BLOC1S5: variants seen among roughly 807,000 people sequenced by gnomAD.
The protein encoded by BLOC1S5 is biogenesis of lysosomal organelles complex 1 subunit 5, also known as biogenesis of lysosome-related organelles complex 1 subunit 5.
BLOC1S5 carries 27 observed loss-of-function variants against 24.3 expected under a neutral mutation model. That is an observed-to-expected ratio of 1.11 (90% CI 0.82 to 1.53). The LOEUF (loss-of-function observed/expected upper bound fraction) is 1.53, where lower values mean the gene tolerates loss of function less well. Ranked by LOEUF, BLOC1S5 falls within the 40% of genes most tolerant of loss-of-function variation. The pLI, the probability that BLOC1S5 is intolerant of heterozygous loss-of-function variation, is 0.00. For synonymous variants in BLOC1S5, 84 were observed against 74.5 expected (o/e 1.13, Z -0.66); for missense variants, 239 against 229.4 (o/e 1.04, Z -0.27).
chr6:8,056,119 G>A (rs1045020966), intron 2 of BLOC1S5, among the ~76,000 whole-genome samples: 11 of 152,132 alleles, frequency 7.2e-5, no homozygotes, highest in Non-Finnish European at 1.3e-4. Context: ...CTCACCAGAC[G>A]AAGCCCCTTT....
chr6:8,056,471 G>GA lies in BLOC1S5; in HGVS notation c.195+6062dup, dbSNP rs923481331. ...TCTGTTTTTAGACATATTCAAGGGG[G>GA]AAAAAAAACAAAACATAAAACTATG... On this transcript the variant is annotated intron_variant, in intron 2 of 4. Transcript: ENST00000397457. Among the ~76,000 whole-genome samples, 727 of 151,216 alleles carry GA rather than the reference G, an allele frequency of 4.8e-3. 5 individuals carry two copies. Among genetic ancestry groups the GA allele is most frequent in the African/African-American group, 0.016 (650 of 41,270 alleles).
At chr6:8,049,166 T>G (rs1289098934) in intron 2 of BLOC1S5, among the ~76,000 whole-genome samples, 2 of 150,450 alleles carry the variant, frequency 1.3e-5, no homozygotes. Flanking sequence ...AGGTCAGGAG[T>G]TCGAGACCAG....
At chr6:8,034,568 T>C (rs1473324114) in intron 3 of BLOC1S5, among the ~76,000 whole-genome samples, 1 of 152,138 alleles carries the variant, frequency 6.6e-6, no homozygotes, top group Non-Finnish European at 1.5e-5. Context: ...GGCACATATA[T>C]ACCTATGTAT....
At chr6:8,028,505 C>A (rs987209019) in intron 3 of BLOC1S5, among the ~76,000 whole-genome samples, 2 of 152,090 alleles carry the variant, frequency 1.3e-5, no homozygotes, top group African/African-American at 2.4e-5. Context: ...AACTTAAAAT[C>A]CATTTGGCAG....
chr6:8,017,420 C>T (rs1421144374), intron 4 of BLOC1S5, among the ~76,000 whole-genome samples: 1 of 145,182 alleles, frequency 6.9e-6, no homozygotes, highest in Non-Finnish European at 1.5e-5. Context: ...ACAAAGCACC[C>T]GAAGTCACTG....
chr6:8,028,513 C>T lies in BLOC1S5; in HGVS notation c.326-2088G>A, dbSNP rs528994378. On this transcript the variant is annotated intron_variant, in intron 3 of 4. Coordinates refer to ENST00000397457, the MANE Select transcript of BLOC1S5 (RefSeq NM_201280.3). ...AGAACATAACTTAAAATCCATTTGG[C>T]AGTTGTTAGGAGCTTCATCACTTTC... is the stretch of plus-strand genomic sequence containing the variant. Among the ~76,000 whole-genome samples, 6 of 152,210 alleles carry T rather than the reference C, an allele frequency of 3.9e-5. No homozygotes were observed. In the South Asian group the frequency reaches 1.2e-3, roughly 32 times the overall value.
chr6:8,061,853 G>A (rs1764525916), intron 2 of BLOC1S5, among the ~76,000 whole-genome samples: 2 of 152,212 alleles, frequency 1.3e-5, no homozygotes, highest in Admixed American at 6.5e-5. Flanking sequence ...CACTGTCGCT[G>A]GAACATAGTA....
chr6:8,026,397 T>A lies in BLOC1S5; in HGVS notation c.354A>T (p.Arg118Ser). ...TTCGTTCCTGTTCCCTCTGTTGGAG[T>A]CTACAGACTGAGTCATTAGCTGCTT... Reference protein sequence around the residue: ...RLQAANDSVCRLQQREQERKK... With the variant: ...RLQAANDSVCSLQQREQERKK... Residue 118 changes from arginine to serine, a missense_variant, in exon 4 of 5, where the codon AGA (arginine) becomes AGT (serine). Coordinates refer to ENST00000397457, the MANE Select transcript of BLOC1S5 (RefSeq NM_201280.3). 1 of 1,613,316 alleles carries A rather than the reference T, an allele frequency of 6.2e-7. No individual in the cohort carries two copies. The highest frequency in any genetic ancestry group is 2.2e-5 in the East Asian group (1 of 44,848).
chr6:8,052,061 G>C (rs899816303), intron 2 of BLOC1S5, among the ~76,000 whole-genome samples: 5 of 150,246 alleles, frequency 3.3e-5, no homozygotes, highest in Non-Finnish European at 5.9e-5. Flanking sequence ...CCGCCTCCCG[G>C]GTTCACGCCA....
At chr6:8,052,803 G>A (rs770922942) in intron 2 of BLOC1S5, among the ~76,000 whole-genome samples, 1 of 151,848 alleles carries the variant, frequency 6.6e-6, no homozygotes, top group South Asian at 2.1e-4. Context: ...GCTGAGGGAG[G>A]AGAACGGCGT....
intron 2 of BLOC1S5, among the ~76,000 whole-genome samples, chr6:8,057,987 T>C (rs1167354074): frequency 6.6e-6 from 1 of 152,208 alleles, no homozygotes; most frequent in Non-Finnish European, 1.5e-5. Flanking sequence ...TGATGACTCT[T>C]TGTTTACATG....
At chr6:8,042,331 AAAGT>A (rs1168838349) in intron 2 of BLOC1S5, among the ~76,000 whole-genome samples, 1 of 152,204 alleles carries the variant, frequency 6.6e-6, no homozygotes, top group Non-Finnish European at 1.5e-5. Context: ...ATGGGTAGTA[AAAGT>A]AATATGTAGA....
At position 8,029,037 on chromosome 6, in the gene BLOC1S5, C is replaced by T. The variant is rs141577371; in HGVS notation, c.326-2612G>A. Among the ~76,000 whole-genome samples, 489 of 152,152 alleles carry T rather than the reference C, an allele frequency of 3.2e-3. 4 individuals are homozygous for T. The highest frequency in any genetic ancestry group is 0.01 in the African/African-American group (416 of 41,492). Reference sequence around the variant, plus strand: ...AAAGATTATTCAAGTAGATTTGTGCCGCATACCACAGTTAACAATGTTCTA... The same window carrying T: ...AAAGATTATTCAAGTAGATTTGTGCTGCATACCACAGTTAACAATGTTCTA... On this transcript the variant is annotated intron_variant, in intron 3 of 4. Coordinates refer to ENST00000397457, the MANE Select transcript of BLOC1S5 (RefSeq NM_201280.3).
chr6:8,064,296 C>G lies in BLOC1S5; in HGVS notation c.81G>C (p.Gly27=). 1 of 1,613,790 alleles carries G rather than the reference C, an allele frequency of 6.2e-7. No homozygotes were observed. Among genetic ancestry groups the G allele is most frequent in the Non-Finnish European group, 8.5e-7 (1 of 1,179,846 alleles). The change falls in exon 1 of 5, where the codon GGG becomes GGC. Residue 27 remains glycine, a synonymous_variant. Transcript: ENST00000397457. ...GGGSKKRDSL[G]TAGSAHLIIK... is the part of the protein sequence containing the mutation. ...TAATGAGGTGCGCTGAGCCCGCAGT[C>G]CCCAGGGAGTCCCTCTTCTTGCTGC...
intron 3 of BLOC1S5, among the ~76,000 whole-genome samples, chr6:8,034,984 C>A (rs756555266): frequency 6.8e-6 from 1 of 146,196 alleles, no homozygotes; most frequent in South Asian, 2.1e-4. Flanking sequence ...TACACATATA[C>A]ACACACACCA....
At chr6:8,016,362 T>G (rs535666023) in intron 4 of BLOC1S5, among the ~76,000 whole-genome samples, 47 of 152,096 alleles carry the variant, frequency 3.1e-4, no homozygotes, top group Non-Finnish European at 5.7e-4. Context: ...GTCTAGTATC[T>G]TCACATGATA....
chr6:8,041,515 T>C (rs1037405090), intron 2 of BLOC1S5, among the ~76,000 whole-genome samples: 1 of 151,880 alleles, frequency 6.6e-6, no homozygotes, highest in Non-Finnish European at 1.5e-5. Context: ...GGTTTCACTG[T>C]GTTAGCTAGG....
intron 1 of BLOC1S5, among the ~76,000 whole-genome samples, chr6:8,063,108 A>T: frequency 6.6e-6 from 1 of 152,150 alleles, no homozygotes; most frequent in East Asian, 1.9e-4. Context: ...ATTTACATAA[A>T]ACTTTAAAAT....
rs1390057392 is a variant in BLOC1S5, at chr6:8,015,642, C to T, written c.*7G>A. On this transcript the variant is annotated 3_prime_UTR_variant, in exon 5 of 5. Transcript: ENST00000397457. Reference sequence around the variant, plus strand: ...TCATTAGTTTGTGATTGTTGTGGTTCAAGTTCTTAAAAGGTTGAAAATTTC... The same window carrying T: ...TCATTAGTTTGTGATTGTTGTGGTTTAAGTTCTTAAAAGGTTGAAAATTTC... 3.1e-6 allele frequency: 5 copies of T among 1,608,480 alleles called. 1 individual carries two copies. In the South Asian group the frequency reaches 3.3e-5, roughly 11 times the overall value.
Sources: gnomAD v4.1 joint callset for allele counts (sites outside exome capture counted in the v4.1 genomes callset) on GRCh38, gnomAD v4.1.1 for gene constraint, MANE v1.5 for transcripts, NCBI Gene and HGNC (gene_info 2026-07-23, HGNC 2026-07-21) for gene names.